Variants in ENTPD5 observed in about 807,000 individuals in gnomAD.
ENTPD5 encodes the protein ectonucleoside triphosphate diphosphohydrolase 5 (inactive).
A neutral mutation model predicts 60.2 loss-of-function variants in ENTPD5; 49 were observed. That is an observed-to-expected ratio of 0.81 (90% CI 0.65 to 1.03). ENTPD5 has a LOEUF of 1.03. ENTPD5 is among the 50% of genes least tolerant of loss of function. The pLI, the probability that ENTPD5 is intolerant of heterozygous loss-of-function variation, is 0.00. For synonymous variants in ENTPD5, 187 were observed against 185.4 expected, an observed-to-expected ratio of 1.01 and a Z score of -0.07; for missense variants, 480 against 507.6, an observed-to-expected ratio of 0.95 and a Z score of 0.52.
intron 5 of ENTPD5, chr14:73,986,605 C>T: frequency 3.6e-6 from 2 of 556,684 alleles, no homozygotes; most frequent in Non-Finnish European, 6.4e-6. Flanking sequence ...CTTGCATTAC[C>T]ACAACCAATT....
At chr14:73,960,261 G>C, downstream of ENTPD5, 6 of 986,418 alleles carry the variant, frequency 6.1e-6, no homozygotes, top group Non-Finnish European at 7.2e-6. Flanking sequence ...ATCACTAACT[G>C]CTCAGGATTG....
At chr14:73,986,708 C>T (rs1478976682) in intron 5 of ENTPD5, 106 bp downstream of exon 5, 1 of 799,828 alleles carries the variant, frequency 1.3e-6, no homozygotes, top group Non-Finnish European at 2.1e-6. Flanking sequence ...TGATCTCACA[C>T]ATGATCTCAA....
chr14:73,999,965 G>A (rs575142031), intron 3 of ENTPD5, among the ~76,000 whole-genome samples: 1 of 151,646 alleles, frequency 6.6e-6, no homozygotes, highest in East Asian at 1.9e-4. Flanking sequence ...GCATGCACCT[G>A]TAATCCCAGC....
chr14:73,993,450 A>C (rs908743854), intron 3 of ENTPD5, among the ~76,000 whole-genome samples: 2 of 152,238 alleles, frequency 1.3e-5, no homozygotes, highest in Non-Finnish European at 2.9e-5. Context: ...AGTTAAGAAT[A>C]AGAGCTATTG....
chr14:73,991,842 T>C (rs892099487), intron 3 of ENTPD5, among the ~76,000 whole-genome samples: 1 of 151,076 alleles, frequency 6.6e-6, no homozygotes, highest in Non-Finnish European at 1.5e-5. Context: ...ATTTTAATTT[T>C]ATGTTTATTT....
At chr14:74,014,889 G>C (rs998391850) in intron 2 of ENTPD5, among the ~76,000 whole-genome samples, 2 of 152,002 alleles carry the variant, frequency 1.3e-5, no homozygotes, top group African/African-American at 4.8e-5. Context: ...AGACCGGCCT[G>C]GCCAACATGG....
intron 14 of ENTPD5, among the ~76,000 whole-genome samples, chr14:73,970,979 T>A (rs916589707): frequency 6.6e-6 from 1 of 151,706 alleles, no homozygotes; most frequent in Non-Finnish European, 1.5e-5. Context: ...GTCGAACCAC[T>A]GTGCCTAGCT....
intron 10 of ENTPD5, 50 bp from the exon 11 acceptor site, chr14:73,975,035 GC>G (rs1210098799): frequency 7.3e-7 from 1 of 1,370,874 alleles, no homozygotes. Context: ...AAGTTCTCTA[GC>G]CTAAAGCTAC....
intron 3 of ENTPD5, among the ~76,000 whole-genome samples, chr14:73,990,935 A>G (rs2058102541): frequency 6.6e-6 from 1 of 152,110 alleles, no homozygotes; most frequent in African/African-American, 2.4e-5. Context: ...AGGTTGAGAC[A>G]GGAGAATTGC....
intron 1 of ENTPD5, 177 bp downstream of exon 1, chr14:74,019,073 G>A (rs1348451831): frequency 1.3e-5 from 2 of 152,542 alleles, no homozygotes; most frequent in African/African-American, 4.8e-5. Context: ...GGCGGGACGG[G>A]CGGATCAGCG....
intron 3 of ENTPD5, among the ~76,000 whole-genome samples, chr14:73,992,988 G>A (rs1042430489): frequency 3.9e-5 from 6 of 152,144 alleles, no homozygotes; most frequent in Non-Finnish European, 8.8e-5. Flanking sequence ...GAGAGATAGA[G>A]TGAGATTCTA....
rs561914357 is a variant in ENTPD5 at position 73,980,479 on chromosome 14, G to T, written c.441+2539C>A. Among the ~76,000 whole-genome samples the T allele has an allele frequency of 1.2e-4, 18 of 152,094 alleles. No homozygotes were observed. In the East Asian group the frequency reaches 3.5e-3, roughly 29 times the overall value. On this transcript the variant is annotated intron_variant, in intron 6 of 15. Transcript: ENST00000334696. ...GGGTTTCACCATGTTGGCCAGGCTG[G>T]TCTCAAACTCCTGACCTCAGGTGAT...
chr14:73,959,779 A>G (rs2056625234), downstream of ENTPD5: 12 of 1,196,934 alleles, frequency 1.0e-5, no homozygotes, highest in South Asian at 1.8e-4. Flanking sequence ...CATGTTGGCC[A>G]GGCTGGTCTC....
In ENTPD5 at chr14:73,966,739, G is replaced by A. The variant is rs1188053402; in HGVS notation, c.*189C>T. Reference sequence around the variant, plus strand: ...CTTTTTGGCTCACAGGGCTCTCTGTGATGCTCTGGTGCCAGCTGTGTACTC... The same window carrying A: ...CTTTTTGGCTCACAGGGCTCTCTGTAATGCTCTGGTGCCAGCTGTGTACTC... On this transcript the variant is annotated 3_prime_UTR_variant, in exon 16 of 16. Coordinates refer to ENST00000334696, the MANE Select transcript of ENTPD5 (RefSeq NM_001249.5). The A allele has an allele frequency of 3.1e-5, 16 of 520,392 alleles. No individual in the cohort carries two copies. Among genetic ancestry groups the A allele is most frequent in the Non-Finnish European group, 4.4e-5 (13 of 294,370 alleles). The allele number at this position is 520,392 out of a possible 1,614,324, so 32.2% of individuals were successfully genotyped here. A position where few individuals can be genotyped will look rare whatever the true frequency, so the allele number is the denominator to read the frequency against.
downstream of ENTPD5, chr14:73,960,967 T>C (rs2056694420): frequency 3.0e-6 from 2 of 674,188 alleles, no homozygotes; most frequent in Non-Finnish European, 5.2e-6. Context: ...GGCCAGCTCA[T>C]GTACAGTTTG....
At chr14:73,979,753 A>G (rs1244787511) in intron 6 of ENTPD5, among the ~76,000 whole-genome samples, 1 of 151,812 alleles carries the variant, frequency 6.6e-6, no homozygotes, top group East Asian at 1.9e-4. Context: ...TTACAGGCGT[A>G]AGCCACTGCA....
rs752584652 is a variant in ENTPD5 at position 73,972,903 on chromosome 14, A to C, written c.1008T>G (p.Ala336=). The C allele has an allele frequency of 6.2e-7, 1 of 1,614,168 alleles. No individual in the cohort carries two copies. The highest frequency in any genetic ancestry group is 2.2e-5 in the East Asian group (1 of 44,878). ...FYAFSYYYDR[A]VDTDMIDYEK... ...ACTCACCAATCATGTCTGTGTCAAC[A>C]GCTCGGTCATAATAGTAAGAGAAAG... is the stretch of plus-strand genomic sequence containing the variant. Residue 336 remains alanine (A), a synonymous_variant, in exon 13 of 16, where the codon GCT becomes GCG. Coordinates refer to ENST00000334696, the MANE Select transcript of ENTPD5 (RefSeq NM_001249.5).
chr14:73,970,160 G>T, intron 14 of ENTPD5, 35 bp from the exon 15 acceptor site: 1 of 1,449,498 alleles, frequency 6.9e-7, no homozygotes, highest in Non-Finnish European at 9.7e-7. Flanking sequence ...GCTCAAGTTT[G>T]CAACTAACTG....
In ENTPD5 at chr14:73,986,630, C is replaced by T. The variant is rs1247443690; in HGVS notation, c.297+184G>A. 9 of 577,576 alleles carry T rather than the reference C, an allele frequency of 1.6e-5. No homozygotes were observed. The East Asian group carries it at 2.0e-4, about 13-fold the overall frequency. 35.8% of individuals were successfully genotyped at this position (577,576 alleles called of 1,614,324 possible). A position where few individuals can be genotyped will look rare whatever the true frequency, so the allele number is the denominator to read the frequency against. Reference sequence around the variant, plus strand: ...CACAACCAATTTTCTAGCCTTCTTCCACCCAGCCCTCATGAGCGTGGGAAA... The same window carrying T: ...CACAACCAATTTTCTAGCCTTCTTCTACCCAGCCCTCATGAGCGTGGGAAA... On this transcript the variant is annotated intron_variant, in intron 5 of 15. Coordinates refer to ENST00000334696, the MANE Select transcript of ENTPD5 (RefSeq NM_001249.5).
Sources: allele counts gnomAD v4.1 joint callset (sites outside exome capture counted in the v4.1 genomes callset), GRCh38; gene constraint gnomAD v4.1.1; transcripts MANE v1.5; gene names NCBI Gene and HGNC (gene_info 2026-07-23, HGNC 2026-07-21).